The following IL4I1 variants were observed in gnomAD, a reference collection of about 807,000 sequenced individuals.
IL4I1 encodes L-amino-acid oxidase.
Under a neutral mutation model 29.7 loss-of-function variants are expected in IL4I1, and 24 were observed. The observed-to-expected ratio is 0.81, with a 90% CI of 0.59 to 1.14. IL4I1 has a LOEUF of 1.14. Ranked by LOEUF, IL4I1 falls within the 50% of genes most tolerant of loss-of-function variation. IL4I1 has a pLI of 0.00. For synonymous variants in IL4I1, 371 were observed against 352.5 expected (o/e 1.05, Z -0.59); for missense variants, 686 against 785.6 (o/e 0.87, Z 1.52).
chr19:49,919,421 C>T (rs542245607), intron 2 of IL4I1, among the ~76,000 whole-genome samples: 6 of 152,316 alleles, frequency 3.9e-5, no homozygotes, highest in African/African-American at 1.2e-4. Context: ...TCTTAGAAAT[C>T]GTTTTAAGCA....
chr19:49,896,056 G>T lies in IL4I1; in HGVS notation c.14-3C>A. ...GACGAGGACGAGGAGGTGCAGGGCT[G>T]GGAGGAGGAGGACAGGGTCAACGGG... On this transcript the variant is annotated splice_region_variant and splice_polypyrimidine_tract_variant and intron_variant, in intron 2 of 7. Coordinates refer to ENST00000391826, the MANE Select transcript of IL4I1 (RefSeq NM_152899.2). 1 of 1,613,324 alleles carries T rather than the reference G, an allele frequency of 6.2e-7. No individual in the cohort carries two copies. The highest frequency in any genetic ancestry group is 8.5e-7 in the Non-Finnish European group (1 of 1,179,550).
At chr19:49,909,324 C>T in intron 2 of IL4I1, 1 of 1,613,998 alleles carries the variant, frequency 6.2e-7, no homozygotes, top group African/African-American at 1.3e-5. Flanking sequence ...GTGCTTCCAC[C>T]AGTGAATGAG....
chr19:49,925,095 C>T (rs987721598), intron 2 of IL4I1, among the ~76,000 whole-genome samples: 4 of 152,016 alleles, frequency 2.6e-5, no homozygotes, highest in Non-Finnish European at 1.5e-5. Context: ...AACCCCGTCT[C>T]TACTAAAAAT....
intron 2 of IL4I1, among the ~76,000 whole-genome samples, chr19:49,910,246 CT>C (rs1353028846): frequency 6.6e-6 from 1 of 152,092 alleles, no homozygotes. Flanking sequence ...GTAGGACCTG[CT>C]CCCAGCGTGG....
chr19:49,916,354 AT>A (rs1182733064), intron 2 of IL4I1, among the ~76,000 whole-genome samples: 830 of 131,904 alleles, frequency 6.3e-3, no homozygotes, highest in African/African-American at 0.014. Flanking sequence ...TATCTTTTGT[AT>A]TTTTTTTTTT....
chr19:49,911,247 A>C (rs2075454647), intron 2 of IL4I1: 1 of 152,248 alleles, frequency 6.6e-6, no homozygotes, highest in Non-Finnish European at 1.5e-5. Context: ...GAAGGGAAGA[A>C]AGCTTGTGGT....
chr19:49,912,720 G>C (rs1771551489), intron 2 of IL4I1, among the ~76,000 whole-genome samples: 1 of 152,124 alleles, frequency 6.6e-6, no homozygotes, highest in Non-Finnish European at 1.5e-5. Flanking sequence ...ACAAAAATGA[G>C]TTGGCCGTGG....
chr19:49,917,482 C>T (rs1025625767), intron 2 of IL4I1: 2 of 152,296 alleles, frequency 1.3e-5, no homozygotes, highest in African/African-American at 4.8e-5. Flanking sequence ...TGACCAACAC[C>T]TTCCTAAGTG....
chr19:49,901,612 C>T (rs1418259189), upstream of IL4I1: 1 of 1,462,274 alleles, frequency 6.8e-7, no homozygotes, highest in Non-Finnish European at 9.1e-7. Context: ...TCCAGAACAT[C>T]CCAGGGCCCC....
In IL4I1 at chr19:49,890,021, C is replaced by G. The variant is rs1262739243; in HGVS notation, c.1353G>C (p.Gln451His). ...CCGGCGGCTGTACCACAAAGCCACC[C>G]TGGCTGTGCTGGTCCTCCGCCCAAC... ...VKRWAEDQHSQGGFVVQPPAL... is the reference protein window; with the variant it reads ...VKRWAEDQHSHGGFVVQPPAL... Residue 451 changes from glutamine (Q) to histidine (H), a missense_variant, in exon 8 of 8, where the codon CAG (glutamine) becomes CAC (histidine). Coordinates refer to ENST00000391826, the MANE Select transcript of IL4I1 (RefSeq NM_152899.2). 1 of 1,552,320 alleles carries G rather than the reference C, an allele frequency of 6.4e-7. No homozygotes were observed.
intron 2 of IL4I1, chr19:49,909,005 G>T (rs757187525): frequency 6.2e-7 from 1 of 1,612,358 alleles, no homozygotes; most frequent in Non-Finnish European, 8.5e-7. Context: ...TGTTGTTGTG[G>T]AGGTGCCGGA....
chr19:49,915,599 G>A (rs576294569), intron 2 of IL4I1, among the ~76,000 whole-genome samples: 1 of 152,354 alleles, frequency 6.6e-6, no homozygotes, highest in African/African-American at 2.4e-5. Flanking sequence ...AGAAACCAAT[G>A]GCGGTAGGTT....
intron 2 of IL4I1, among the ~76,000 whole-genome samples, chr19:49,920,781 G>C (rs750651990): frequency 6.6e-6 from 1 of 152,246 alleles, no homozygotes; most frequent in Non-Finnish European, 1.5e-5. Flanking sequence ...GGCCTGGAGA[G>C]GGACTGAGGC....
At chr19:49,908,891 G>T (rs1423959579) in intron 2 of IL4I1, 22 of 1,609,262 alleles carry the variant, frequency 1.4e-5, no homozygotes, top group Non-Finnish European at 1.8e-5. Context: ...GGCAGCTGCT[G>T]TATTGCTGGG....
intron 4 of IL4I1, among the ~76,000 whole-genome samples, chr19:49,894,788 T>G (rs1600471137): frequency 1.3e-5 from 2 of 149,246 alleles, no homozygotes; most frequent in African/African-American, 2.5e-5. Flanking sequence ...TGCCTGAGGG[T>G]GTGGGGATGG....
chr19:49,919,385 CACTGTTCTCT>C (rs1162551390), intron 2 of IL4I1, among the ~76,000 whole-genome samples: 2 of 152,186 alleles, frequency 1.3e-5, no homozygotes, highest in African/African-American at 2.4e-5. Flanking sequence ...CTGCTACATG[CACTGTTCTCT>C]ACTGTTCTTT....
chr19:49,909,758 G>T (rs753335519), intron 2 of IL4I1: 1 of 1,613,986 alleles, frequency 6.2e-7, no homozygotes, highest in African/African-American at 1.3e-5. Context: ...AGTGCCAAAC[G>T]TGAACCCGCC....
At chr19:49,924,873 A>G (rs1255705855) in intron 2 of IL4I1, among the ~76,000 whole-genome samples, 1 of 152,078 alleles carries the variant, frequency 6.6e-6, no homozygotes, top group Non-Finnish European at 1.5e-5. Flanking sequence ...AACGGTGGGG[A>G]GGGGAAGCAG....
intron 2 of IL4I1, among the ~76,000 whole-genome samples, chr19:49,924,868 T>C (rs956857074): frequency 6.6e-6 from 1 of 151,960 alleles, no homozygotes; most frequent in African/African-American, 2.4e-5. Context: ...GGCAAAACGG[T>C]GGGGAGGGGA....
Sources: allele counts gnomAD v4.1 joint callset (sites outside exome capture counted in the v4.1 genomes callset), GRCh38; gene constraint gnomAD v4.1.1; transcripts MANE v1.5; gene names NCBI Gene and HGNC (gene_info 2026-07-23, HGNC 2026-07-21).